The following TRIM69 variants were observed in gnomAD, a reference collection of about 807,000 sequenced individuals.
The protein encoded by TRIM69 is tripartite motif containing 69, also known as E3 ubiquitin-protein ligase TRIM69.
Under a neutral mutation model 37.7 loss-of-function variants are expected in TRIM69, and 29 were observed. That is an observed-to-expected ratio of 0.77 (90% confidence interval 0.57 to 1.05). The LOEUF is 1.05. TRIM69 is among the 50% of genes least tolerant of loss of function. TRIM69 has a pLI of 0.00. For synonymous variants in TRIM69, 209 were observed against 212.4 expected, an observed-to-expected ratio of 0.98 and a Z score of 0.14; for missense variants, 596 against 579.9, an observed-to-expected ratio of 1.03 and a Z score of -0.28.
chr15:44,739,664 G>A (rs1272733806), intron 1 of TRIM69, among the ~76,000 whole-genome samples: 3 of 152,196 alleles, frequency 2.0e-5, no homozygotes, highest in African/African-American at 7.2e-5. Flanking sequence ...CAAGGCGGCA[G>A]CGAGGCTGTG....
chr15:44,764,255 A>G (rs1175598149), intron 6 of TRIM69, among the ~76,000 whole-genome samples: 1 of 152,196 alleles, frequency 6.6e-6, no homozygotes, highest in Non-Finnish European at 1.5e-5. Context: ...TTTTTGGTAT[A>G]ATTTTACATC....
intron 4 of TRIM69, 67 bp downstream of exon 4, chr15:44,758,921 A>C: frequency 1.3e-6 from 2 of 1,530,802 alleles, no homozygotes; most frequent in African/African-American, 2.8e-5. Context: ...GTTTGGAAAG[A>C]ATGCGGAAGT....
chr15:44,753,408 G>T (rs2087576254), intron 1 of TRIM69: 1 of 152,190 alleles, frequency 6.6e-6, no homozygotes, highest in African/African-American at 2.4e-5. Context: ...GTGAGCTACT[G>T]TGCCTGGCTG....
chr15:44,765,172 G>A (rs1316455377), intron 6 of TRIM69, among the ~76,000 whole-genome samples: 2 of 152,188 alleles, frequency 1.3e-5, no homozygotes, highest in African/African-American at 4.8e-5. Flanking sequence ...TTTTGAAGGT[G>A]GAGCTGACAG....
chr15:44,763,975 G>A (rs543368324), intron 6 of TRIM69, among the ~76,000 whole-genome samples: 3 of 152,306 alleles, frequency 2.0e-5, no homozygotes, highest in African/African-American at 7.2e-5. Context: ...GTGAGCTCCA[G>A]AAATTGTTCA....
chr15:44,765,369 C>T (rs1566901689), intron 6 of TRIM69, among the ~76,000 whole-genome samples: 1 of 152,104 alleles, frequency 6.6e-6, no homozygotes, highest in Non-Finnish European at 1.5e-5. Flanking sequence ...AAACCCAGTC[C>T]TCACATCAGA....
rs1048674823 is a variant in TRIM69, at chr15:44,767,229, A to G, written c.962-2A>G. The G allele has an allele frequency of 2.1e-5, 34 of 1,609,104 alleles. 1 individual carries two copies. Among genetic ancestry groups the G allele is most frequent in the Non-Finnish European group, 8.5e-7 (1 of 1,177,732 alleles). On this transcript the variant is annotated splice_acceptor_variant, in intron 6 of 6. Transcript: ENST00000329464. LOFTEE classifies it high-confidence loss of function. Reference sequence around the variant, plus strand: ...CTCTGCTTTCTTTTATTTTCTTACTAGGCCTGTCTCCACTAACTCTGGACC... The same window carrying G: ...CTCTGCTTTCTTTTATTTTCTTACTGGGCCTGTCTCCACTAACTCTGGACC...
chr15:44,747,584 A>C (rs147316276), intron 1 of TRIM69, among the ~76,000 whole-genome samples: 1 of 152,344 alleles, frequency 6.6e-6, no homozygotes, highest in East Asian at 1.9e-4. Flanking sequence ...CATCTGTCTG[A>C]TAGGAATTTC....
At chr15:44,748,135 T>G (rs1381389165) in intron 1 of TRIM69, among the ~76,000 whole-genome samples, 1 of 152,154 alleles carries the variant, frequency 6.6e-6, no homozygotes, top group Non-Finnish European at 1.5e-5. Flanking sequence ...AACAGAAGAG[T>G]AACCTCTGGA....
At position 44,736,618 on chromosome 15, in the gene TRIM69, G is replaced by A. The variant is rs2087165774; in HGVS notation, c.-87G>A. 4.6e-6 allele frequency: 7 copies of A among 1,533,946 alleles called. No individual in the cohort carries two copies. The highest frequency in any genetic ancestry group is 6.2e-6 in the Non-Finnish European group (7 of 1,128,710). ...GAGCCCATTCCTTGAAAACTAAAAG[G>A]TCCCTGACTCCCAGTCTGCAGCCAT... On this transcript the variant is annotated 5_prime_UTR_variant, in exon 1 of 7. Transcript: ENST00000329464.
intron 1 of TRIM69, among the ~76,000 whole-genome samples, chr15:44,740,851 C>A (rs1412083064): frequency 6.6e-6 from 1 of 152,014 alleles, no homozygotes; most frequent in African/African-American, 2.4e-5. Flanking sequence ...ACTTAGACTC[C>A]CACACAATAA....
chr15:44,754,729 G>A, intron 1 of TRIM69, 171 bp from the exon 2 acceptor site: 5 of 630,250 alleles, frequency 7.9e-6, no homozygotes, highest in South Asian at 4.0e-5. Flanking sequence ...AGCATCATAC[G>A]CTATAATTTC....
intron 1 of TRIM69, among the ~76,000 whole-genome samples, chr15:44,744,607 C>A (rs2087363896): frequency 1.3e-5 from 2 of 151,984 alleles, no homozygotes; most frequent in South Asian, 4.2e-4. Flanking sequence ...TTAAATAAAA[C>A]CTTGAATCTC....
At chr15:44,749,769 T>C (rs2087481741) in intron 1 of TRIM69, among the ~76,000 whole-genome samples, 1 of 152,212 alleles carries the variant, frequency 6.6e-6, no homozygotes, top group Non-Finnish European at 1.5e-5. Context: ...AGGTCTGTCT[T>C]ATGGTAGTTT....
intron 3 of TRIM69, 34 bp from the exon 4 acceptor site, chr15:44,758,587 C>A (rs2087702576): frequency 3.7e-6 from 6 of 1,611,692 alleles, no homozygotes; most frequent in Non-Finnish European, 4.2e-6. Flanking sequence ...CTAGTCTCTG[C>A]AATAACCATG....
chr15:44,743,718 A>T (rs1432759888), intron 1 of TRIM69, among the ~76,000 whole-genome samples: 3 of 152,238 alleles, frequency 2.0e-5, no homozygotes, highest in Admixed American at 6.5e-5. Context: ...TCTCACCATC[A>T]CTGGCCATCA....
At chr15:44,761,018 T>G (rs928635746) in intron 6 of TRIM69, among the ~76,000 whole-genome samples, 4 of 151,810 alleles carry the variant, frequency 2.6e-5, no homozygotes, top group African/African-American at 9.7e-5. Flanking sequence ...CCAGGGTTCA[T>G]GCCATTCTCC....
At position 44,755,156 on chromosome 15, in the gene TRIM69, A is replaced by T; in HGVS notation, c.263A>T (p.Asn88Ile). 1 of 1,614,222 alleles carries T rather than the reference A, an allele frequency of 6.2e-7. No individual in the cohort carries two copies. The stretch of plus-strand genomic sequence containing the variant: ...GAGTGTAAGATGCTATGTCAGTATA[A>T]CAACTGTACATTCAACCCTGTACTG... ...CPECKMLCQY[N>I]NCTFNPVLDK... is the part of the protein sequence containing the mutation. The change falls in exon 2 of 7, where the codon AAC (asparagine) becomes ATC (isoleucine). Residue 88 changes from asparagine (N) to isoleucine (I), a missense_variant. Transcript: ENST00000329464.
rs186928370 is a variant in TRIM69, at chr15:44,748,920, G to A, written c.7-5980G>A. Among the ~76,000 whole-genome samples the A allele has an allele frequency of 3.3e-5, 5 of 151,208 alleles. No individual in the cohort carries two copies. In the East Asian group the frequency reaches 5.9e-4, roughly 18 times the overall value. On this transcript the variant is annotated intron_variant, in intron 1 of 6. Coordinates refer to ENST00000329464, the MANE Select transcript of TRIM69 (RefSeq NM_182985.5). ...TTTTGAGATAGGGTCTTACTTTGTCGCCCAGGCTAGAGTGCAGTGGCATGA... is the reference window on the plus strand; with the variant it reads ...TTTTGAGATAGGGTCTTACTTTGTCACCCAGGCTAGAGTGCAGTGGCATGA...
Sources: allele counts gnomAD v4.1 joint callset (sites outside exome capture counted in the v4.1 genomes callset), GRCh38; gene constraint gnomAD v4.1.1; transcripts MANE v1.5; gene names NCBI Gene and HGNC (gene_info 2026-07-23, HGNC 2026-07-21).